ELAVL2: variants seen among roughly 807,000 people sequenced by gnomAD.
ELAVL2 encodes ELAV-like protein 2.
A neutral mutation model predicts 34.6 loss-of-function variants in ELAVL2; 4 were observed. The observed-to-expected ratio is 0.12, with a 90% CI of 0.06 to 0.26. The LOEUF is 0.26. ELAVL2 is among the 10% of genes least tolerant of loss of function. The pLI is 1.00. For synonymous variants in ELAVL2, 193 were observed against 154.8 expected (o/e 1.25, Z -1.83); for missense variants, 432 against 442.8 (o/e 0.98, Z 0.22).
chr9:23,795,932 C>T (rs1462295193), intron 1 of ELAVL2, among the ~76,000 whole-genome samples: 3 of 152,158 alleles, frequency 2.0e-5, no homozygotes, highest in African/African-American at 4.8e-5. Flanking sequence ...TTCTTACAAA[C>T]CGGGGGAAAA....
intron 1 of ELAVL2, among the ~76,000 whole-genome samples, chr9:23,791,405 G>A (rs2060301372): frequency 6.6e-6 from 1 of 152,154 alleles, no homozygotes; most frequent in South Asian, 2.1e-4. Context: ...GAGAACTGAA[G>A]TGTATCTCCC....
chr9:23,734,727 C>A (rs1239225369), intron 2 of ELAVL2, among the ~76,000 whole-genome samples: 1 of 152,068 alleles, frequency 6.6e-6, no homozygotes, highest in African/African-American at 2.4e-5. Flanking sequence ...ATTCCTATGA[C>A]AACATAAATT....
intron 1 of ELAVL2, among the ~76,000 whole-genome samples, chr9:23,816,317 TAAAAA>T (rs10717104): frequency 4.5e-4 from 20 of 44,706 alleles, no homozygotes; most frequent in Admixed American, 7.6e-4. Context: ...AAGCTTTCAG[TAAAAA>T]AAAAAAAAAA....
At chr9:23,826,793 G>C (rs2065324548), upstream of ELAVL2, among the ~76,000 whole-genome samples, 1 of 152,156 alleles carries the variant, frequency 6.6e-6, no homozygotes, top group Admixed American at 6.5e-5. Flanking sequence ...CTGAGTGAAA[G>C]GGATGAATGT....
In ELAVL2 at chr9:23,690,433, T is replaced by A. The variant is rs2032795863; in HGVS notation, c.*2124A>T. The A allele has an allele frequency of 6.6e-6, 1 of 152,522 alleles. No individual in the cohort carries two copies. The allele number at this position is 152,522 out of a possible 1,614,324, so 9.4% of individuals were successfully genotyped here. On this transcript the variant is annotated 3_prime_UTR_variant, in exon 7 of 7. Transcript: ENST00000397312. ...TTTTTTTTTAAGTATATACATGTAT[T>A]TTATTTTTTAGTGTTTTTCTTTTTT...
chr9:23,727,062 T>C (rs565068708), intron 3 of ELAVL2, among the ~76,000 whole-genome samples: 3 of 152,194 alleles, frequency 2.0e-5, no homozygotes, highest in Non-Finnish European at 2.9e-5. Flanking sequence ...CTACCTTCCC[T>C]AATGAGAATC....
At chr9:23,735,181 C>G (rs189100550) in intron 2 of ELAVL2, 181 of 136,138 alleles carry the variant, frequency 1.3e-3, no homozygotes, top group African/African-American at 4.7e-3. Flanking sequence ...TGCCTGGTAA[C>G]TGAACATAAA....
intron 1 of ELAVL2, among the ~76,000 whole-genome samples, chr9:23,778,825 T>C (rs1047964424): frequency 6.6e-6 from 1 of 152,252 alleles, no homozygotes; most frequent in South Asian, 2.1e-4. Context: ...TCACTAAACA[T>C]CCTAATATGA....
chr9:23,761,773 G>A (rs2055067541), intron 2 of ELAVL2, among the ~76,000 whole-genome samples: 1 of 151,954 alleles, frequency 6.6e-6, no homozygotes, highest in African/African-American at 2.4e-5. Flanking sequence ...CAAAGATCCT[G>A]TCCAGATCAG....
At chr9:23,821,910 T>G (rs1163048515) in intron 1 of ELAVL2, 3 of 150,942 alleles carry the variant, frequency 2.0e-5, no homozygotes, top group Non-Finnish European at 4.4e-5. Context: ...GGCGGCGAGT[T>G]CGCGGCGCCG....
At chr9:23,731,487 A>T (rs1351293542) in intron 2 of ELAVL2, among the ~76,000 whole-genome samples, 1 of 152,180 alleles carries the variant, frequency 6.6e-6, no homozygotes, top group Non-Finnish European at 1.5e-5. Context: ...ATACCTTTTC[A>T]GCTTCAGTTT....
intron 2 of ELAVL2, among the ~76,000 whole-genome samples, chr9:23,734,603 C>A (rs1313498201): frequency 6.6e-6 from 1 of 152,190 alleles, no homozygotes; most frequent in Admixed American, 6.5e-5. Flanking sequence ...CGTAACCAGG[C>A]ACTTCTGACA....
At chr9:23,820,459 A>T (rs1007717597) in intron 1 of ELAVL2, among the ~76,000 whole-genome samples, 1 of 152,196 alleles carries the variant, frequency 6.6e-6, no homozygotes. Context: ...TGTTTTCAGA[A>T]AATGTAGAGA....
chr9:23,745,690 CCCT>C (rs1310733964), intron 2 of ELAVL2, among the ~76,000 whole-genome samples: 2 of 152,148 alleles, frequency 1.3e-5, no homozygotes, highest in African/African-American at 4.8e-5. Flanking sequence ...ATACACATGT[CCCT>C]ACATGGCTGG....
At chr9:23,792,995 T>C (rs2060503828) in intron 1 of ELAVL2, among the ~76,000 whole-genome samples, 1 of 152,132 alleles carries the variant, frequency 6.6e-6, no homozygotes, top group South Asian at 2.1e-4. Flanking sequence ...GAGACTGGTC[T>C]TGAACTCCTG....
chr9:23,825,463 T>TC (rs2065241702), intron 1 of ELAVL2, among the ~76,000 whole-genome samples: 1 of 152,032 alleles, frequency 6.6e-6, no homozygotes, highest in African/African-American at 2.4e-5. Context: ...GAGGCATGCA[T>TC]CCCCAACACC....
chr9:23,820,395 C>A (rs2138513777), intron 1 of ELAVL2, among the ~76,000 whole-genome samples: 1 of 152,218 alleles, frequency 6.6e-6, no homozygotes, highest in African/African-American at 2.4e-5. Flanking sequence ...AAGAACCGTT[C>A]TTTGAGGGAG....
chr9:23,810,908 C>T (rs1309775936), intron 1 of ELAVL2, among the ~76,000 whole-genome samples: 3 of 152,160 alleles, frequency 2.0e-5, no homozygotes, highest in South Asian at 2.1e-4. Flanking sequence ...GCCAACTCCA[C>T]GTATTTTTCT....
chr9:23,814,468 C>T (rs974051050), intron 1 of ELAVL2, among the ~76,000 whole-genome samples: 1 of 152,130 alleles, frequency 6.6e-6, no homozygotes, highest in Non-Finnish European at 1.5e-5. Context: ...GTTCAAATTC[C>T]TTGCGGAGAC....
Sources: gnomAD v4.1 joint callset for allele counts (sites outside exome capture counted in the v4.1 genomes callset) on GRCh38, gnomAD v4.1.1 for gene constraint, MANE v1.5 for transcripts, NCBI Gene and HGNC (gene_info 2026-07-23, HGNC 2026-07-21) for gene names.